The following NRG3 variants were observed in gnomAD, a reference collection of about 807,000 sequenced individuals.
NRG3 encodes pro-neuregulin-3, membrane-bound isoform.
Under a neutral mutation model 66.9 loss-of-function variants are expected in NRG3, and 31 were observed. The ratio of observed to expected loss-of-function variants is 0.46; its 90% CI spans 0.35 to 0.63. The LOEUF (loss-of-function observed/expected upper bound fraction) is 0.63. Among genes scored for constraint, NRG3 ranks in the 20% least tolerant of loss-of-function variants. The pLI is 0.00. For missense variants in NRG3, 910 were observed against 878.9 expected, an observed-to-expected ratio of 1.04 and a Z score of -0.45; for synonymous variants, 393 against 359.4, an observed-to-expected ratio of 1.09 and a Z score of -1.06.
At position 82,252,579 on chromosome 10, in the gene NRG3, A is replaced by G. The variant is rs536560817; in HGVS notation, c.824-106160A>G. On this transcript the variant is annotated intron_variant, in intron 1 of 8. Transcript: ENST00000372141. ...AAAACTTGTGTGACATATCTGGTAC[A>G]GTATTGCTCCTAATGATACTAATAA... Among the ~76,000 whole-genome samples the G allele has an allele frequency of 8.6e-3, 1,305 of 152,302 alleles. 12 individuals carry two copies. The highest frequency in any genetic ancestry group is 0.03 in the African/African-American group (1,229 of 41,556).
At chr10:82,631,053 T>G (rs971354406) in intron 2 of NRG3, among the ~76,000 whole-genome samples, 11 of 152,158 alleles carry the variant, frequency 7.2e-5, no homozygotes, top group African/African-American at 2.7e-4. Context: ...TTTTATCACT[T>G]CTCTGAGGCA....
At chr10:82,299,539 A>G (rs2080268174) in intron 1 of NRG3, among the ~76,000 whole-genome samples, 1 of 132,716 alleles carries the variant, frequency 7.5e-6, no homozygotes, top group Non-Finnish European at 1.5e-5. Flanking sequence ...CAGGGCTCCA[A>G]TCCAGCCCTG....
At position 82,986,437 on chromosome 10, in the gene NRG3, A is replaced by T. The variant is rs1320937368; in HGVS notation, c.*832A>T. ...ACGCGGGCACATATGCTGTAAGCAC[A>T]TGTGTTCATTGTGCGTATGTGTGTG... On this transcript the variant is annotated 3_prime_UTR_variant, in exon 9 of 9. Transcript: ENST00000372141. The T allele has an allele frequency of 6.6e-6, 1 of 152,146 alleles. No individual in the cohort carries two copies. The highest frequency in any genetic ancestry group is 1.5e-5 in the Non-Finnish European group (1 of 68,034). The allele number at this position is 152,146 out of a possible 1,614,324, so 9.4% of individuals were successfully genotyped here.
chr10:82,124,502 C>A (rs558817351), intron 1 of NRG3, among the ~76,000 whole-genome samples: 1 of 151,692 alleles, frequency 6.6e-6, no homozygotes, highest in South Asian at 2.1e-4. Context: ...TGTTCTCACT[C>A]GTAAGTGAGG....
chr10:82,269,714 C>G (rs1482259534), intron 1 of NRG3, among the ~76,000 whole-genome samples: 1 of 152,144 alleles, frequency 6.6e-6, no homozygotes, highest in Non-Finnish European at 1.5e-5. Context: ...TCAGCGGGAT[C>G]AAGACCACTG....
At chr10:82,612,537 A>T (rs539394148) in intron 2 of NRG3, among the ~76,000 whole-genome samples, 12 of 152,340 alleles carry the variant, frequency 7.9e-5, no homozygotes, top group Non-Finnish European at 1.3e-4. Flanking sequence ...ATATGGCATT[A>T]ATGTGCAAGG....
intron 1 of NRG3, among the ~76,000 whole-genome samples, chr10:82,113,860 T>C (rs2067535121): frequency 6.6e-6 from 1 of 152,204 alleles, no homozygotes. Flanking sequence ...AATCAACAGA[T>C]AATTTCATGT....
At chr10:82,584,648 C>A (rs150142688) in intron 2 of NRG3, among the ~76,000 whole-genome samples, 101 of 152,228 alleles carry the variant, frequency 6.6e-4, no homozygotes, top group Middle Eastern at 3.4e-3. Flanking sequence ...AATGTTAGTT[C>A]ATAATTGTTG....
intron 1 of NRG3, among the ~76,000 whole-genome samples, chr10:82,182,857 G>A (rs1215699668): frequency 1.3e-5 from 2 of 151,934 alleles, no homozygotes; most frequent in Non-Finnish European, 2.9e-5. Context: ...ATCTGAGAAA[G>A]TACATACCTT....
At chr10:82,684,957 G>GTATC (rs2054397458) in intron 2 of NRG3, among the ~76,000 whole-genome samples, 1 of 152,164 alleles carries the variant, frequency 6.6e-6, no homozygotes, top group African/African-American at 2.4e-5. Context: ...GATATCTGGA[G>GTATC]TATCTCTCAG....
chr10:82,147,519 G>T (rs1193975446), intron 1 of NRG3, among the ~76,000 whole-genome samples: 10 of 152,106 alleles, frequency 6.6e-5, no homozygotes, highest in Non-Finnish European at 1.5e-5. Context: ...CTTTTAACAT[G>T]AATATACACT....
chr10:82,054,668 A>G (rs1388052878), intron 1 of NRG3, among the ~76,000 whole-genome samples: 1 of 152,192 alleles, frequency 6.6e-6, no homozygotes, highest in African/African-American at 2.4e-5. Context: ...GGGAGGAACC[A>G]GCAAAGGGGA....
intron 2 of NRG3, among the ~76,000 whole-genome samples, chr10:82,578,726 G>A (rs373480221): frequency 5.3e-5 from 8 of 151,742 alleles, no homozygotes; most frequent in African/African-American, 1.9e-4. Context: ...GGACAACAGT[G>A]TGCTAAATTG....
At chr10:82,803,892 A>G (rs192709906) in intron 3 of NRG3, among the ~76,000 whole-genome samples, 1,986 of 139,878 alleles carry the variant, frequency 0.014, 46 homozygotes, top group African/African-American at 0.052. Context: ...AAGGTCAACC[A>G]TAGTCCAAAA....
At chr10:82,902,164 G>C (rs1041155044) in intron 4 of NRG3, among the ~76,000 whole-genome samples, 1 of 151,994 alleles carries the variant, frequency 6.6e-6, no homozygotes, top group African/African-American at 2.4e-5. Flanking sequence ...ATTAAATATT[G>C]GGTTTATTCA....
intron 4 of NRG3, among the ~76,000 whole-genome samples, chr10:82,895,539 G>GGAGTGCA (rs1308495749): frequency 6.9e-6 from 1 of 145,004 alleles, no homozygotes; most frequent in African/African-American, 2.6e-5. Context: ...CACCCAGGCT[G>GGAGTGCA]GAGTGCAGTG....
rs2084749966 is a variant in NRG3 at position 82,369,492 on chromosome 10, G to T, written c.953+10624G>T. ...TTTTTAAAGTTTTTGTACTGGTGGGGTCTCAGTATGTGGCCCAGGCTGGTC... is the reference window on the plus strand; with the variant it reads ...TTTTTAAAGTTTTTGTACTGGTGGGTTCTCAGTATGTGGCCCAGGCTGGTC... On this transcript the variant is annotated intron_variant, in intron 2 of 8. Coordinates refer to ENST00000372141, the MANE Select transcript of NRG3 (RefSeq NM_001010848.4). Among the ~76,000 whole-genome samples, 2 of 137,304 alleles carry T rather than the reference G, an allele frequency of 1.5e-5. 1 individual carries two copies. The highest frequency in any genetic ancestry group is 6.7e-3 in the Middle Eastern group (2 of 298). 90.1% of individuals were successfully genotyped at this position (137,304 alleles called of 152,430 possible). A position where few individuals can be genotyped will look rare whatever the true frequency, so the allele number is the denominator to read the frequency against.
intron 3 of NRG3, among the ~76,000 whole-genome samples, chr10:82,751,668 G>C (rs2058869655): frequency 6.6e-6 from 1 of 152,078 alleles, no homozygotes; most frequent in Non-Finnish European, 1.5e-5. Context: ...GTAGCTATTA[G>C]TATCCTCATT....
chr10:81,876,517 A>T (rs1047466520), intron 1 of NRG3, among the ~76,000 whole-genome samples: 1 of 152,178 alleles, frequency 6.6e-6, no homozygotes, highest in Non-Finnish European at 1.5e-5. Context: ...CCGCTCCAGT[A>T]GAGGGCCAGG....
Sources: allele counts gnomAD v4.1 joint callset (sites outside exome capture counted in the v4.1 genomes callset), GRCh38; gene constraint gnomAD v4.1.1; transcripts MANE v1.5; gene names NCBI Gene and HGNC (gene_info 2026-07-23, HGNC 2026-07-21).